GARIN1A: variants seen among roughly 807,000 people sequenced by gnomAD.
GARIN1A encodes the protein Golgi-associated RAB2 interactor protein 1A.
chr7:128,675,610 G>A, the GARIN1A span: 1 of 1,539,582 alleles, frequency 6.5e-7, no homozygotes, highest in Non-Finnish European at 8.9e-7. Context: ...CCACTTTCCA[G>A]CATCTGTATT....
chr7:128,672,476 C>G, the GARIN1A span: 1 of 1,608,956 alleles, frequency 6.2e-7, no homozygotes. Flanking sequence ...AAATGGCCTT[C>G]TTTGTCAACT....
the GARIN1A span, among the ~76,000 whole-genome samples, chr7:128,696,444 T>G: frequency 6.6e-6 from 1 of 152,216 alleles, no homozygotes; most frequent in Non-Finnish European, 1.5e-5. Flanking sequence ...TTAGATGTCT[T>G]TGTATCAACT....
the GARIN1A span, among the ~76,000 whole-genome samples, chr7:128,681,849 T>TG: frequency 6.6e-6 from 1 of 151,202 alleles, no homozygotes; most frequent in African/African-American, 2.4e-5. Context: ...GCCCCTCAAC[T>TG]GCAACACCTC....
chr7:128,672,695 A>G, the GARIN1A span: 1 of 726,598 alleles, frequency 1.4e-6, no homozygotes, highest in Non-Finnish European at 2.2e-6. Flanking sequence ...AGAGAAAACC[A>G]GAAGGTCTGG....
the GARIN1A span, among the ~76,000 whole-genome samples, chr7:128,701,810 A>G: frequency 6.6e-6 from 1 of 152,310 alleles, no homozygotes; most frequent in Non-Finnish European, 1.5e-5. Flanking sequence ...ATACTGATAC[A>G]TTGGTTCTTT....
chr7:128,674,907 C>A, the GARIN1A span, among the ~76,000 whole-genome samples: 1 of 152,130 alleles, frequency 6.6e-6, no homozygotes, highest in African/African-American at 2.4e-5. Flanking sequence ...CCAGTCTGGG[C>A]AACATAGTGA....
the GARIN1A span, among the ~76,000 whole-genome samples, chr7:128,699,260 G>GTCCCCCCCC: frequency 9.5e-6 from 1 of 105,016 alleles, no homozygotes; most frequent in African/African-American, 3.5e-5. Context: ...CATACCTGCT[G>GTCCCCCCCC]CCCCCCCCCC....
chr7:128,675,261 C>T, the GARIN1A span, among the ~76,000 whole-genome samples: 1 of 152,192 alleles, frequency 6.6e-6, no homozygotes, highest in African/African-American at 2.4e-5. Context: ...CTGTCTGGGT[C>T]TTCCCCATTC....
the GARIN1A span, among the ~76,000 whole-genome samples, chr7:128,689,084 G>T: frequency 4.6e-5 from 7 of 151,994 alleles, no homozygotes; most frequent in Non-Finnish European, 7.4e-5. Flanking sequence ...ATTGCAGATG[G>T]AGTCTTGTTC....
the GARIN1A span, among the ~76,000 whole-genome samples, chr7:128,694,545 GAAA>G: frequency 1.6e-5 from 1 of 64,362 alleles, no homozygotes; most frequent in South Asian, 6.8e-4. Context: ...AAAAAAAAAA[GAAA>G]GAAAGAAAGA....
the GARIN1A span, among the ~76,000 whole-genome samples, chr7:128,692,552 G>A: frequency 2.6e-5 from 4 of 152,270 alleles, no homozygotes; most frequent in East Asian, 7.7e-4. Flanking sequence ...CATGGCATCT[G>A]CAAAAACAAT....
chr7:128,707,741 C>G, the GARIN1A span, among the ~76,000 whole-genome samples: 1 of 152,078 alleles, frequency 6.6e-6, no homozygotes, highest in East Asian at 1.9e-4. Context: ...ATGTGAGCAC[C>G]CTGCCCGGCC....
chr7:128,688,936 G>C, the GARIN1A span, among the ~76,000 whole-genome samples: 1 of 151,136 alleles, frequency 6.6e-6, no homozygotes, highest in Non-Finnish European at 1.5e-5. Flanking sequence ...GAGTGCCTGC[G>C]ATTGCAGGCG....
the GARIN1A span, chr7:128,697,840 C>G: frequency 6.6e-6 from 1 of 152,466 alleles, no homozygotes; most frequent in African/African-American, 2.4e-5. Context: ...TTCACAATAA[C>G]GCCACCCCAC....
the GARIN1A span, among the ~76,000 whole-genome samples, chr7:128,703,910 A>T: frequency 5.3e-5 from 8 of 152,198 alleles, no homozygotes; most frequent in Non-Finnish European, 1.0e-4. Context: ...AGGTGACTCG[A>T]CGTTGGAGGA....
At chr7:128,675,630 G>A in the GARIN1A span, 1 of 1,605,234 alleles carries the variant, frequency 6.2e-7, no homozygotes, top group Non-Finnish European at 8.5e-7. Context: ...TCCACCCCTT[G>A]TTTTCTGCTC....
At chr7:128,674,913 A>G in the GARIN1A span, among the ~76,000 whole-genome samples, 1 of 152,190 alleles carries the variant, frequency 6.6e-6, no homozygotes, top group Admixed American at 6.5e-5. Context: ...TGGGCAACAT[A>G]GTGAGACCCC....
the GARIN1A span, chr7:128,675,520 T>C: frequency 1.4e-6 from 1 of 694,038 alleles, no homozygotes; most frequent in Non-Finnish European, 2.5e-6. Flanking sequence ...TTAAAGTGTA[T>C]TTGGGGAGGC....
At chr7:128,692,553 CA>C in the GARIN1A span, among the ~76,000 whole-genome samples, 1 of 152,238 alleles carries the variant, frequency 6.6e-6, no homozygotes, top group East Asian at 1.9e-4. Context: ...ATGGCATCTG[CA>C]AAAACAATCC....
Sources: allele counts gnomAD v4.1 joint callset (sites outside exome capture counted in the v4.1 genomes callset), GRCh38; gene constraint gnomAD v4.1.1; transcripts MANE v1.5; gene names NCBI Gene and HGNC (gene_info 2026-07-23, HGNC 2026-07-21).